Variants in ATP6V1H observed in about 807,000 individuals in gnomAD.
The protein encoded by ATP6V1H is V-type proton ATPase subunit H.
A neutral mutation model predicts 71.7 loss-of-function variants in ATP6V1H; 39 were observed. The observed-to-expected ratio is 0.54, with a 90% CI of 0.42 to 0.71. The LOEUF (loss-of-function observed/expected upper bound fraction) is 0.71. Ranked by LOEUF, ATP6V1H falls within the 30% of genes least tolerant of loss-of-function variation. The pLI is 0.00. For synonymous variants in ATP6V1H, 192 were observed against 199.3 expected (o/e 0.96, Z 0.31); for missense variants, 509 against 594.9 (o/e 0.86, Z 1.50).
At chr8:53,817,106 CA>C (rs1189761946) in intron 5 of ATP6V1H, among the ~76,000 whole-genome samples, 4 of 152,056 alleles carry the variant, frequency 2.6e-5, no homozygotes, top group African/African-American at 9.7e-5. Flanking sequence ...TGGGAACGGA[CA>C]GGTTACTATG....
chr8:53,782,860 G>T (rs1809210911), intron 9 of ATP6V1H, among the ~76,000 whole-genome samples: 1 of 152,216 alleles, frequency 6.6e-6, no homozygotes, highest in Admixed American at 6.5e-5. Flanking sequence ...ATTTTCGTAT[G>T]TTGAACCAGC....
At chr8:53,818,907 CT>C (rs1810540974) in intron 4 of ATP6V1H, among the ~76,000 whole-genome samples, 1 of 152,066 alleles carries the variant, frequency 6.6e-6, no homozygotes, top group Non-Finnish European at 1.5e-5. Context: ...ATAAAATCAA[CT>C]GCTAAACTAT....
rs541104897 is a variant in ATP6V1H at position 53,800,754 on chromosome 8, A to G, written c.677+1045T>C. ...TGTATCAAAATGTACTTTTTACAAA[A>G]AGGTTTGCTATATTTTAATTTTTAT... On this transcript the variant is annotated intron_variant, in intron 8 of 13. Transcript: ENST00000359530. 1.9e-4 allele frequency among the ~76,000 whole-genome samples: 29 copies of G among 152,304 alleles called. 1 individual carries two copies. The South Asian group carries it at 5.6e-3, about 29-fold the overall frequency.
chr8:53,774,177 G>C (rs1309375377), intron 9 of ATP6V1H, among the ~76,000 whole-genome samples: 2 of 152,232 alleles, frequency 1.3e-5, no homozygotes, highest in African/African-American at 4.8e-5. Flanking sequence ...AAGATGTCCA[G>C]TGAACACCAA....
At chr8:53,752,218 A>G (rs763235608) in intron 12 of ATP6V1H, among the ~76,000 whole-genome samples, 5 of 152,254 alleles carry the variant, frequency 3.3e-5, no homozygotes, top group Non-Finnish European at 7.3e-5. Flanking sequence ...TATGGTAAAA[A>G]ATCATATCAA....
intron 11 of ATP6V1H, among the ~76,000 whole-genome samples, chr8:53,757,120 A>G (rs1291935085): frequency 6.6e-6 from 1 of 152,232 alleles, no homozygotes; most frequent in Non-Finnish European, 1.5e-5. Context: ...AGAGTGGAAC[A>G]TATACTTTCC....
At chr8:53,784,006 A>C (rs1353136340) in intron 9 of ATP6V1H, among the ~76,000 whole-genome samples, 1 of 152,248 alleles carries the variant, frequency 6.6e-6, no homozygotes, top group Non-Finnish European at 1.5e-5. Flanking sequence ...TGCTGAAAAG[A>C]AAGTATATTC....
chr8:53,724,389 CCTT>C (rs1806731723), intron 13 of ATP6V1H, among the ~76,000 whole-genome samples: 1 of 152,088 alleles, frequency 6.6e-6, no homozygotes, highest in Non-Finnish European at 1.5e-5. Context: ...CTTTTTCTCT[CCTT>C]CTTCCTCAAT....
At chr8:53,790,461 G>T (rs1809531240) in intron 9 of ATP6V1H, among the ~76,000 whole-genome samples, 1 of 152,148 alleles carries the variant, frequency 6.6e-6, no homozygotes, top group Admixed American at 6.5e-5. Context: ...TTTACTGAGG[G>T]TCCATTAGGC....
intron 3 of ATP6V1H, among the ~76,000 whole-genome samples, chr8:53,831,431 T>C (rs1370021941): frequency 6.6e-6 from 1 of 152,234 alleles, no homozygotes; most frequent in Non-Finnish European, 1.5e-5. Context: ...AAGACCGCTA[T>C]TACATACACA....
At position 53,801,612 on chromosome 8, in the gene ATP6V1H, A is replaced by C. The variant is rs188384358; in HGVS notation, c.677+187T>G. Among the ~76,000 whole-genome samples the C allele has an allele frequency of 2.2e-3, 337 of 152,298 alleles. 2 individuals carry two copies. The highest frequency in any genetic ancestry group is 7.8e-3 in the African/African-American group (326 of 41,558). On this transcript the variant is annotated intron_variant, in intron 8 of 13. Coordinates refer to ENST00000359530, the MANE Select transcript of ATP6V1H (RefSeq NM_015941.4). ...AAGAGGCCTTAACCTCTTATAAAAG[A>C]ACAGATCAAGCAAGGAAAGGGGCTC...
At chr8:53,828,844 G>A (rs973862941) in intron 4 of ATP6V1H, among the ~76,000 whole-genome samples, 4 of 152,064 alleles carry the variant, frequency 2.6e-5, no homozygotes, top group Admixed American at 6.5e-5. Flanking sequence ...CTGGAAGGCC[G>A]ATCTCATAAG....
intron 4 of ATP6V1H, among the ~76,000 whole-genome samples, chr8:53,819,267 C>G (rs1810552993): frequency 6.6e-6 from 1 of 151,412 alleles, no homozygotes; most frequent in African/African-American, 2.4e-5. Flanking sequence ...CACAGTGGCT[C>G]ACGCCTGTAG....
intron 12 of ATP6V1H, among the ~76,000 whole-genome samples, chr8:53,751,859 G>A (rs186303913): frequency 6.3e-4 from 96 of 152,006 alleles, no homozygotes; most frequent in African/African-American, 1.9e-3. Context: ...TAGTAGAGAC[G>A]GGGTTTCACC....
intron 13 of ATP6V1H, among the ~76,000 whole-genome samples, chr8:53,720,616 T>A (rs528644048): frequency 6.6e-6 from 1 of 152,358 alleles, no homozygotes; most frequent in South Asian, 2.1e-4. Context: ...TTACAAATGT[T>A]TCTTTAAAAC....
chr8:53,839,200 C>T (rs1358097601), intron 2 of ATP6V1H, among the ~76,000 whole-genome samples: 9 of 152,134 alleles, frequency 5.9e-5, no homozygotes, highest in Admixed American at 3.9e-4. Context: ...CAACGTTAGG[C>T]GGAGCTCTGG....
chr8:53,800,162 G>C (rs996737585), intron 8 of ATP6V1H, among the ~76,000 whole-genome samples: 1 of 152,164 alleles, frequency 6.6e-6, no homozygotes, highest in African/African-American at 2.4e-5. Context: ...TACCCTGTGC[G>C]ACCCCTCTGG....
intron 1 of ATP6V1H, 76 bp from the exon 2 acceptor site, chr8:53,841,801 A>ATATTCATAATC: frequency 7.4e-7 from 1 of 1,344,816 alleles, no homozygotes; most frequent in Non-Finnish European, 1.0e-6. Flanking sequence ...TATGATTATG[A>ATATTCATAATC]ATATCGTGAT....
At chr8:53,775,125 G>A (rs1207455883) in intron 9 of ATP6V1H, among the ~76,000 whole-genome samples, 2 of 152,112 alleles carry the variant, frequency 1.3e-5, no homozygotes, top group East Asian at 1.9e-4. Context: ...TCATGGTCTC[G>A]CTAGCTCAGG....
Sources: gnomAD v4.1 joint callset for allele counts (sites outside exome capture counted in the v4.1 genomes callset) on GRCh38, gnomAD v4.1.1 for gene constraint, MANE v1.5 for transcripts, NCBI Gene and HGNC (gene_info 2026-07-23, HGNC 2026-07-21) for gene names.